EFCAB6: variants seen among roughly 807,000 people sequenced by gnomAD.
The protein encoded by EFCAB6 is EF-hand calcium-binding domain-containing protein 6.
Under a neutral mutation model 169.8 loss-of-function variants are expected in EFCAB6, and 156 were observed. That is an observed-to-expected ratio of 0.92 (90% CI 0.81 to 1.05). The LOEUF (loss-of-function observed/expected upper bound fraction) is 1.05. Among genes scored for constraint, EFCAB6 ranks in the 50% least tolerant of loss-of-function variants. The pLI is 0.00. For missense variants in EFCAB6, 1,800 were observed against 1,829.1 expected (o/e 0.98, Z 0.29); for synonymous variants, 698 against 676.4 (o/e 1.03, Z -0.50).
chr22:43,672,134 C>A lies in EFCAB6; in HGVS notation c.1480-1G>T. Reference sequence around the variant, plus strand: ...TTGTATCATGAACAATTTCTTCCACCTAACATTAAAAAACAAACATATTTC... The same window carrying A: ...TTGTATCATGAACAATTTCTTCCACATAACATTAAAAAACAAACATATTTC... On this transcript the variant is annotated splice_acceptor_variant, in intron 14 of 31. Transcript: ENST00000262726. LOFTEE classifies it high-confidence loss of function. The A allele has an allele frequency of 6.2e-7, 1 of 1,612,882 alleles. No homozygotes were observed. Among genetic ancestry groups the A allele is most frequent in the Non-Finnish European group, 8.5e-7 (1 of 1,179,628 alleles).
At chr22:43,625,176 C>T (rs2054412355) in intron 20 of EFCAB6, among the ~76,000 whole-genome samples, 2 of 151,976 alleles carry the variant, frequency 1.3e-5, no homozygotes, top group South Asian at 2.1e-4. Flanking sequence ...GCAGCCTAGC[C>T]AAGTGTCACA....
At chr22:43,768,218 C>T (rs181541849) in intron 4 of EFCAB6, among the ~76,000 whole-genome samples, 1 of 152,182 alleles carries the variant, frequency 6.6e-6, no homozygotes, top group African/African-American at 2.4e-5. Context: ...AACAAAGGTA[C>T]GGAGCAGATT....
chr22:43,809,293 C>A (rs2063024375), intron 1 of EFCAB6, among the ~76,000 whole-genome samples, 162 bp from the exon 2 acceptor site: 1 of 152,192 alleles, frequency 6.6e-6, no homozygotes, highest in African/African-American at 2.4e-5. Flanking sequence ...TCCAGCCCAA[C>A]TTTATTAACC....
chr22:43,653,763 T>C (rs1021548597), intron 17 of EFCAB6, among the ~76,000 whole-genome samples: 1 of 152,106 alleles, frequency 6.6e-6, no homozygotes, highest in African/African-American at 2.4e-5. Context: ...GAGCGATTTC[T>C]AGTGGCCCTG....
intron 10 of EFCAB6, among the ~76,000 whole-genome samples, chr22:43,691,808 G>A (rs1027476118): frequency 5.3e-5 from 8 of 151,968 alleles, no homozygotes; most frequent in Non-Finnish European, 1.0e-4. Flanking sequence ...AGATAATCAC[G>A]ATAAAATCTG....
intron 17 of EFCAB6, among the ~76,000 whole-genome samples, chr22:43,646,207 A>G (rs1484932851): frequency 6.6e-6 from 1 of 152,214 alleles, no homozygotes; most frequent in Non-Finnish European, 1.5e-5. Flanking sequence ...CAACAGGAAA[A>G]GCCGATGCTA....
rs145561801 is a variant in EFCAB6, at chr22:43,606,109, T to C, written c.2681+2373A>G. Among the ~76,000 whole-genome samples the C allele has an allele frequency of 6.6e-4, 101 of 152,312 alleles. 1 individual carries two copies. The highest frequency in any genetic ancestry group is 2.4e-3 in the African/African-American group (99 of 41,572). ...GTAGAGGAATTACCAGCCCAAGAAC[T>C]GGACTTTTCTATGGCCTCCAAATGT... On this transcript the variant is annotated intron_variant, in intron 22 of 31. Transcript: ENST00000262726.
chr22:43,564,422 T>C (rs1030157348), intron 26 of EFCAB6, among the ~76,000 whole-genome samples: 35 of 148,402 alleles, frequency 2.4e-4, no homozygotes, highest in Non-Finnish European at 5.0e-4. Context: ...CACTCCAGCC[T>C]GGGTGACAGA....
chr22:43,732,495 T>G, intron 7 of EFCAB6, among the ~76,000 whole-genome samples: 1 of 126,046 alleles, frequency 7.9e-6, no homozygotes, highest in South Asian at 2.5e-4. Flanking sequence ...TTAGGCAGAA[T>G]CTCGCTCTGT....
At chr22:43,724,516 C>T (rs199670216) in intron 8 of EFCAB6, among the ~76,000 whole-genome samples, 5 of 151,976 alleles carry the variant, frequency 3.3e-5, no homozygotes, top group South Asian at 4.2e-4. Context: ...TACAGGCACA[C>T]GCCACCACGC....
chr22:43,711,355 C>T (rs568567530), intron 10 of EFCAB6, 120 bp downstream of exon 10: 16 of 1,058,288 alleles, frequency 1.5e-5, no homozygotes, highest in East Asian at 5.8e-5. Flanking sequence ...CTTCTGTATA[C>T]GTTTTAAATT....
intron 10 of EFCAB6, among the ~76,000 whole-genome samples, chr22:43,688,541 A>C (rs2058286219): frequency 6.6e-6 from 1 of 152,192 alleles, no homozygotes. Context: ...GGTTTCAGAA[A>C]GACCAGAGTA....
chr22:43,756,300 T>G (rs569166069), intron 5 of EFCAB6, among the ~76,000 whole-genome samples: 4 of 152,262 alleles, frequency 2.6e-5, no homozygotes, highest in Non-Finnish European at 5.9e-5. Flanking sequence ...CAGATCCAGC[T>G]CCTAACCTCT....
chr22:43,540,354 C>T lies in EFCAB6; in HGVS notation c.3652G>A (p.Asp1218Asn), dbSNP rs751568195. ...ACTGGCATCTCGTTCCAGAGTCTGT[C>T]AAACTGGAGAAGGAGCAGAAGTCAT... ...RVQILTDEQF[D>N]RLWNEMPVNA... The change falls in exon 28 of 32, where the codon GAC (aspartate) becomes AAC (asparagine). Residue 1218 changes from aspartate (D) to asparagine (N), a missense_variant. Physicochemically the swap from Asp to Asn is conservative, Grantham distance 23. Transcript: ENST00000262726. 1.9e-6 allele frequency: 3 copies of T among 1,614,078 alleles called. No homozygotes were observed. The East Asian group carries it at 6.7e-5, about 36-fold the overall frequency.
chr22:43,580,501 T>C lies in EFCAB6; in HGVS notation c.3191A>G (p.Gln1064Arg), dbSNP rs2050650141. 2 of 1,614,192 alleles carry C rather than the reference T, an allele frequency of 1.2e-6. No homozygotes were observed. Among genetic ancestry groups the C allele is most frequent in the East Asian group, 2.2e-5 (1 of 44,872 alleles). ...CAGCTGGGAGGACTCAACTACTTCC[T>C]GGATCTTCCTCACAGCCTCCTGTGG... ...LNPQEAVRKI[Q>R]EVVESSQLAL... The change falls in exon 25 of 32, where the codon CAG (glutamine) becomes CGG (arginine). Residue 1064 changes from glutamine to arginine, a missense_variant. Coordinates refer to ENST00000262726, the MANE Select transcript of EFCAB6 (RefSeq NM_022785.4).
chr22:43,775,175 C>T (rs184561359), intron 3 of EFCAB6, among the ~76,000 whole-genome samples: 36 of 152,156 alleles, frequency 2.4e-4, no homozygotes, highest in African/African-American at 7.9e-4. Context: ...GGAACACCTG[C>T]GTCTGGCCTG....
chr22:43,543,286 C>T (rs1369858279), intron 27 of EFCAB6, among the ~76,000 whole-genome samples: 1 of 152,174 alleles, frequency 6.6e-6, no homozygotes, highest in Non-Finnish European at 1.5e-5. Context: ...CACGTGCAGG[C>T]TGCCATGTCA....
intron 2 of EFCAB6, among the ~76,000 whole-genome samples, chr22:43,800,367 C>T (rs1352119466): frequency 6.6e-6 from 1 of 152,144 alleles, no homozygotes; most frequent in Admixed American, 6.5e-5. Context: ...AGAAAACAAG[C>T]AAGAAGTCCA....
chr22:43,728,574 T>C (rs1404197341), intron 8 of EFCAB6, among the ~76,000 whole-genome samples: 3 of 152,218 alleles, frequency 2.0e-5, no homozygotes, highest in Non-Finnish European at 4.4e-5. Context: ...CCAGCATCTG[T>C]TGTTTCCTGA....
Sources: gnomAD v4.1 joint callset for allele counts (sites outside exome capture counted in the v4.1 genomes callset) on GRCh38, gnomAD v4.1.1 for gene constraint, MANE v1.5 for transcripts, NCBI Gene and HGNC (gene_info 2026-07-23, HGNC 2026-07-21) for gene names.